The following BEST4 variants were observed in gnomAD, a reference collection of about 807,000 sequenced individuals.
The protein encoded by BEST4 is bestrophin-4.
A neutral mutation model predicts 47.1 loss-of-function variants in BEST4; 36 were observed. The observed-to-expected ratio is 0.76, with a 90% CI of 0.59 to 1.01. The LOEUF is 1.01. Among genes scored for constraint, BEST4 ranks in the 50% least tolerant of loss-of-function variants. The pLI is 0.00. For missense variants in BEST4, 550 were observed against 648.6 expected (o/e 0.85, Z 1.65); for synonymous variants, 250 against 277.8 (o/e 0.90, Z 1.00).
In BEST4 at chr1:44,786,722, G is replaced by A. The variant is rs1353070807; in HGVS notation, c.248-26C>T. ...CTGCTTGGCCGCCGTGATAGAGGGA[G>A]TAGGAAGGGAGAGTGGAGAGCCTGG... On this transcript the variant is annotated intron_variant, in intron 2 of 8. Transcript: ENST00000372207. The surrounding 1 kb of genome is among the most constrained non-coding windows in gnomAD (Gnocchi z 4.9). The A allele has an allele frequency of 3.3e-6, 5 of 1,526,550 alleles. No homozygotes were observed. The highest frequency in any genetic ancestry group is 3.9e-5 in the Admixed American group (2 of 50,658). 94.6% of individuals were successfully genotyped at this position (1,526,550 alleles called of 1,614,324 possible).
chr1:44,785,315 G>A lies in BEST4; in HGVS notation c.715-10C>T, dbSNP rs767627523. ...CGGCTATGGTCACCACCTGGAGAAT[G>A]AAGAGCCAGGCTCAGTGCAGGATGC... On this transcript the variant is annotated splice_polypyrimidine_tract_variant and intron_variant, in intron 5 of 8. Transcript: ENST00000372207. 1 of 1,576,772 alleles carries A rather than the reference G, an allele frequency of 6.3e-7. No individual in the cohort carries two copies. The highest frequency in any genetic ancestry group is 8.6e-7 in the Non-Finnish European group (1 of 1,159,990).
chr1:44,784,111 C>T lies in BEST4; in HGVS notation c.*99G>A. ...CCTAAATGCTCTGGCCTTCAAGGCACACAGGAAAAGCTGCTCTAATAGAGC... is the reference window on the plus strand; with the variant it reads ...CCTAAATGCTCTGGCCTTCAAGGCATACAGGAAAAGCTGCTCTAATAGAGC... On this transcript the variant is annotated 3_prime_UTR_variant, in exon 9 of 9. Coordinates refer to ENST00000372207, the MANE Select transcript of BEST4 (RefSeq NM_153274.3). This position sits in a 1 kb window ranked among gnomAD's most constrained non-coding sequence, Gnocchi z 6.2. 1 of 1,186,318 alleles carries T rather than the reference C, an allele frequency of 8.4e-7. No homozygotes were observed. The highest frequency in any genetic ancestry group is 1.1e-6 in the Non-Finnish European group (1 of 913,188). 73.5% of individuals were successfully genotyped at this position (1,186,318 alleles called of 1,614,324 possible).
upstream of BEST4, among the ~76,000 whole-genome samples, chr1:44,789,938 G>A (rs1366046765): frequency 6.6e-6 from 1 of 152,152 alleles, no homozygotes; most frequent in Non-Finnish European, 1.5e-5. Flanking sequence ...GCACAGGCTT[G>A]GGAATTGGAC....
At chr1:44,785,063 C>T (rs1211322797) in intron 6 of BEST4, 45 bp downstream of exon 6, 3 of 1,610,342 alleles carry the variant, frequency 1.9e-6, no homozygotes, top group Non-Finnish European at 2.5e-6. Flanking sequence ...CCCCTCTGCC[C>T]ACATCTCCAC....
At chr1:44,791,715 C>T (rs912385739), upstream of BEST4, among the ~76,000 whole-genome samples, 1 of 152,096 alleles carries the variant, frequency 6.6e-6, no homozygotes, top group Admixed American at 6.6e-5. Context: ...GGGAACCACT[C>T]AGCCCATAAA....
In BEST4 at chr1:44,786,520, A is replaced by T. The variant is rs1452802413; in HGVS notation, c.424T>A (p.Ser142Thr). The T allele has an allele frequency of 6.5e-7, 1 of 1,548,818 alleles. No homozygotes were observed. Among genetic ancestry groups the T allele is most frequent in the South Asian group, 1.2e-5 (1 of 84,426 alleles). The change falls in exon 3 of 9, where the codon TCG becomes ACG. Residue 142 changes from serine (S) to threonine (T), a missense_variant. Transcript: ENST00000372207. This position sits in a 1 kb window ranked among gnomAD's most constrained non-coding sequence, Gnocchi z 4.9. ...CGCTTAAGCACGCGGGTGCTGACCGAGCGCAGCACCAGCACGGACGCCAGG... is the reference window on the plus strand; with the variant it reads ...CGCTTAAGCACGCGGGTGCTGACCGTGCGCAGCACCAGCACGGACGCCAGG... ...ANLASVLVLRSVSTRVLKRFP... is the reference protein window; with the variant it reads ...ANLASVLVLRTVSTRVLKRFP...
chr1:44,790,979 T>C (rs1651392240), upstream of BEST4, among the ~76,000 whole-genome samples: 1 of 151,880 alleles, frequency 6.6e-6, no homozygotes, highest in African/African-American at 2.4e-5. Context: ...GCAAGCTTCT[T>C]TTTCTTTCTT....
In BEST4 at chr1:44,784,700, C is replaced by T; in HGVS notation, c.1077G>A (p.Gln359=). The change falls in exon 8 of 9, where the codon CAG becomes CAA. Residue 359 remains glutamine (Q), a synonymous_variant. Coordinates refer to ENST00000372207, the MANE Select transcript of BEST4 (RefSeq NM_153274.3). The surrounding 1 kb of genome is among the most constrained non-coding windows in gnomAD (Gnocchi z 6.2). Reference sequence around the variant, plus strand: ...CCGCCGTGGCCACAGTGTAGGGTGGCTGCGGCTGGTCCTCATCCCAGTACT... The same window carrying T: ...CCGCCGTGGCCACAGTGTAGGGTGGTTGCGGCTGGTCCTCATCCCAGTACT... The part of the protein sequence containing the change: ...KDQYWDEDQP[Q]PPYTVATAAE... The T allele has an allele frequency of 1.2e-6, 2 of 1,611,790 alleles. No homozygotes were observed. The highest frequency in any genetic ancestry group is 1.1e-5 in the South Asian group (1 of 90,750).
chr1:44,785,071 C>T, intron 6 of BEST4, 37 bp downstream of exon 6: 2 of 1,610,856 alleles, frequency 1.2e-6, no homozygotes, highest in South Asian at 1.1e-5. Flanking sequence ...CCCACATCTC[C>T]ACAGAGCAGG....
Position 44,786,436 on chromosome 1 carries a change from C to T in BEST4, c.481+27G>A. 1 of 1,492,424 alleles carries T rather than the reference C, an allele frequency of 6.7e-7. No individual in the cohort carries two copies. The highest frequency in any genetic ancestry group is 2.5e-5 in the East Asian group (1 of 40,390). The allele number at this position is 1,492,424 out of a possible 1,614,324, so 92.4% of individuals were successfully genotyped here. A position where few individuals can be genotyped will look rare whatever the true frequency, so the allele number is the denominator to read the frequency against. ...CCTGCATCCGGCTGTGGGCCGGACC[C>T]CCAGAGGCTCCCGGCGGGCGGCGCA... is the stretch of plus-strand genomic sequence containing the variant. On this transcript the variant is annotated intron_variant, in intron 3 of 8. Coordinates refer to ENST00000372207, the MANE Select transcript of BEST4 (RefSeq NM_153274.3). This position sits in a 1 kb window ranked among gnomAD's most constrained non-coding sequence, Gnocchi z 4.9.
chr1:44,787,249 G>T, intron 2 of BEST4, 123 bp downstream of exon 2: 2 of 921,074 alleles, frequency 2.2e-6, no homozygotes, highest in South Asian at 1.4e-5. Flanking sequence ...TCGAGTAGCT[G>T]AGACTGCAGG....
rs1341915887 is a variant in BEST4 at position 44,785,245 on chromosome 1, C to T, written c.775G>A (p.Glu259Lys). 6.2e-7 allele frequency: 1 copy of T among 1,612,854 alleles called. No individual in the cohort carries two copies. The highest frequency in any genetic ancestry group is 1.1e-5 in the South Asian group (1 of 90,920). ...GGTTTGGCAGCCCCTGCCTCTGGCTCCACAAACTGGCGGCCAACCAGGGAG... is the reference window on the plus strand; with the variant it reads ...GGTTTGGCAGCCCCTGCCTCTGGCTTCACAAACTGGCGGCCAACCAGGGAG... ...ALSLVGRQFV[E>K]PEAGAAKPQK... Residue 259 changes from glutamate (E) to lysine (K), a missense_variant, in exon 6 of 9, where the codon GAG (glutamate) becomes AAG (lysine). By Grantham distance (56) the Glu-to-Lys change is moderately conservative. This residue lies in a region of BEST4 where 291 missense variants were observed against 342.4 expected (regional missense o/e 0.85). Coordinates refer to ENST00000372207, the MANE Select transcript of BEST4 (RefSeq NM_153274.3).
At chr1:44,792,135 C>T (rs145698633), upstream of BEST4, among the ~76,000 whole-genome samples, 4 of 152,118 alleles carry the variant, frequency 2.6e-5, no homozygotes, top group East Asian at 1.9e-4. Context: ...CCAGCTACTC[C>T]GGAGGCTGAG....
Position 44,784,594 on chromosome 1 carries a change from C to T in BEST4, c.1148+35G>A. 6.3e-7 allele frequency: 1 copy of T among 1,596,198 alleles called. No individual in the cohort carries two copies. Among genetic ancestry groups the T allele is most frequent in the African/African-American group, 1.3e-5 (1 of 74,604 alleles). ...GTGCCCCAGAGGCTGAGCGAGGACC[C>T]GCGTGCCGGGTCAGGCCCAGTGCAA... On this transcript the variant is annotated intron_variant, in intron 8 of 8. Coordinates refer to ENST00000372207, the MANE Select transcript of BEST4 (RefSeq NM_153274.3). The surrounding 1 kb of genome is among the most constrained non-coding windows in gnomAD (Gnocchi z 6.2).
At chr1:44,787,168 G>A (rs1360809316) in intron 2 of BEST4, among the ~76,000 whole-genome samples, 71 of 103,782 alleles carry the variant, frequency 6.8e-4, no homozygotes, top group African/African-American at 2.2e-3. Context: ...TTTTTTTTTA[G>A]CAGAGTCTCG....
intron 4 of BEST4, 151 bp from the exon 5 acceptor site, chr1:44,785,827 A>G: frequency 1.2e-6 from 1 of 825,076 alleles, no homozygotes; most frequent in Non-Finnish European, 1.9e-6. Flanking sequence ...CAGCTCTGCT[A>G]ACTAGCTGTG....
chr1:44,785,827 A>T (rs368903541), intron 4 of BEST4, 151 bp from the exon 5 acceptor site: 2 of 825,076 alleles, frequency 2.4e-6, no homozygotes, highest in Admixed American at 2.8e-5. Flanking sequence ...CAGCTCTGCT[A>T]ACTAGCTGTG....
In BEST4 at chr1:44,784,478, C is replaced by A. The variant is rs935246096; in HGVS notation, c.1154G>T (p.Ser385Ile). Reference protein sequence around the residue: ...FLGSTFNLRMSDDPEQSLQVE... With the variant: ...FLGSTFNLRMIDDPEQSLQVE... ...CTGCAGGCTCTGCTCAGGGTCGTCG[C>A]TCATGCTGCGGGCGGGAGGGCGGGC... Residue 385 changes from serine to isoleucine, a missense_variant, in exon 9 of 9, where the codon AGC (serine) becomes ATC (isoleucine). Physicochemically the swap from Ser to Ile is moderately radical, Grantham distance 142. Coordinates refer to ENST00000372207, the MANE Select transcript of BEST4 (RefSeq NM_153274.3). The surrounding 1 kb of genome is among the most constrained non-coding windows in gnomAD (Gnocchi z 6.2). 12 of 1,415,802 alleles carry A rather than the reference C, an allele frequency of 8.5e-6. No homozygotes were observed. The East Asian group carries it at 1.0e-4, about 12-fold the overall frequency. The allele number at this position is 1,415,802 out of a possible 1,614,324, so 87.7% of individuals were successfully genotyped here. A position where few individuals can be genotyped will look rare whatever the true frequency, so the allele number is the denominator to read the frequency against.
chr1:44,785,531 C>G, intron 5 of BEST4, 68 bp downstream of exon 5: 1 of 1,428,504 alleles, frequency 7.0e-7, no homozygotes, highest in Non-Finnish European at 9.6e-7. Context: ...ATCGCTAATT[C>G]TTCTCATCTC....
Sources: gnomAD v4.1 joint callset for allele counts (sites outside exome capture counted in the v4.1 genomes callset) on GRCh38, gnomAD v4.1.1 for gene constraint, gnomAD v4.1.1 regional missense constraint, Gnocchi (gnomAD v3.1) non-coding constraint, MANE v1.5 for transcripts, NCBI Gene and HGNC (gene_info 2026-07-23, HGNC 2026-07-21) for gene names.